The following GLB1 variants were observed in gnomAD, a reference collection of about 807,000 sequenced individuals.
GLB1 encodes the protein beta-galactosidase.
GLB1 carries 56 observed loss-of-function variants against 74.0 expected under a neutral mutation model. The observed-to-expected ratio is 0.76, with a 90% CI of 0.61 to 0.94. The LOEUF is 0.94. Among genes scored for constraint, GLB1 ranks in the 40% least tolerant of loss-of-function variants. GLB1 has a pLI of 0.00. For synonymous variants in GLB1, 323 were observed against 323.6 expected, an observed-to-expected ratio of 1.00 and a Z score of 0.02; for missense variants, 787 against 845.5, an observed-to-expected ratio of 0.93 and a Z score of 0.86.
chr3:32,994,771 A>T (rs1696278547), downstream of GLB1, among the ~76,000 whole-genome samples: 1 of 152,050 alleles, frequency 6.6e-6, no homozygotes, highest in Non-Finnish European at 1.5e-5. Flanking sequence ...AAATACAAAA[A>T]TTAGCTGGGC....
chr3:33,009,446 C>A (rs1480180389), intron 15 of GLB1, among the ~76,000 whole-genome samples: 1 of 150,622 alleles, frequency 6.6e-6, no homozygotes, highest in Non-Finnish European at 1.5e-5. Context: ...CACTTGAACC[C>A]AGGAGGCGGA....
At chr3:33,013,671 C>A (rs567598804) in intron 15 of GLB1, among the ~76,000 whole-genome samples, 22 of 152,262 alleles carry the variant, frequency 1.4e-4, no homozygotes, top group Admixed American at 3.3e-4. Context: ...TGGGGATATT[C>A]TGGGAGCACT....
the GLB1 span, among the ~76,000 whole-genome samples, chr3:32,979,870 A>ATAG: frequency 1.4e-3 from 198 of 137,306 alleles, 1 homozygote; most frequent in African/African-American, 4.1e-3. Context: ...AAAAAAAAAA[A>ATAG]AAAAAAAAGA....
intron 1 of GLB1, chr3:33,096,278 C>T: frequency 1.7e-6 from 1 of 603,542 alleles, no homozygotes; most frequent in Non-Finnish European, 2.1e-6. Flanking sequence ...CGCCTCAGCT[C>T]GGACGCAGCG....
At chr3:33,078,692 G>T (rs1180490837) in intron 1 of GLB1, among the ~76,000 whole-genome samples, 1 of 152,174 alleles carries the variant, frequency 6.6e-6, no homozygotes, top group Non-Finnish European at 1.5e-5. Context: ...ATGGCCTAAT[G>T]ATTGCATTAG....
chr3:33,047,644 T>C (rs1279406644), intron 9 of GLB1, among the ~76,000 whole-genome samples: 1 of 152,212 alleles, frequency 6.6e-6, no homozygotes, highest in African/African-American at 2.4e-5. Flanking sequence ...ATAGTTTACC[T>C]AGGATTAGTA....
rs182552450 is a variant in GLB1, at chr3:33,076,672, T to A, written c.76-3959A>T. On this transcript the variant is annotated intron_variant, in intron 1 of 15. Transcript: ENST00000307363. The stretch of plus-strand genomic sequence containing the variant: ...AAATGAGAGACAGAGAGAGCGAGCA[T>A]GTGAGAGACTTAAGAGATATATCAA... Among the ~76,000 whole-genome samples the A allele has an allele frequency of 1.1e-3, 174 of 152,254 alleles. 1 individual carries two copies. In the East Asian group the frequency reaches 0.022, roughly 19 times the overall value.
chr3:32,988,880 A>G, the GLB1 span, among the ~76,000 whole-genome samples: 2 of 150,590 alleles, frequency 1.3e-5, no homozygotes, highest in Non-Finnish European at 2.9e-5. Context: ...TTTCTTGTAG[A>G]TATTTAGTAC....
At chr3:33,056,256 A>G (rs13059918) in intron 6 of GLB1, among the ~76,000 whole-genome samples, 16,487 of 126,990 alleles carry the variant, frequency 0.13, 1,273 homozygotes, top group Admixed American at 0.18. Context: ...AAAAAAAAAA[A>G]GCAACACCAG....
intron 1 of GLB1, among the ~76,000 whole-genome samples, chr3:33,089,291 T>A (rs1700653539): frequency 6.6e-6 from 1 of 152,216 alleles, no homozygotes; most frequent in Admixed American, 6.5e-5. Context: ...CATTAAACTT[T>A]AAAACTCTGT....
intron 1 of GLB1, among the ~76,000 whole-genome samples, chr3:33,082,858 G>A (rs2125569317): frequency 6.6e-6 from 1 of 152,260 alleles, no homozygotes; most frequent in Middle Eastern, 3.4e-3. Flanking sequence ...CAGGAGAGCA[G>A]GGGACATGTC....
In GLB1 at chr3:33,093,657, C is replaced by G. The variant is rs1559423692; in HGVS notation, c.75+3354G>C. 1 of 1,614,174 alleles carries G rather than the reference C, an allele frequency of 6.2e-7. No homozygotes were observed. The highest frequency in any genetic ancestry group is 8.5e-7 in the Non-Finnish European group (1 of 1,180,038). On this transcript the variant is annotated intron_variant, in intron 1 of 15. Transcript: ENST00000307363. This position sits in a 1 kb window ranked among gnomAD's most constrained non-coding sequence, Gnocchi z 6.0. ...CGGGGGCTGCGCGGCATTCAGAATCCCGGCCACGCTGAGCACAGCAGTCAC... is the reference window on the plus strand; with the variant it reads ...CGGGGGCTGCGCGGCATTCAGAATCGCGGCCACGCTGAGCACAGCAGTCAC...
At chr3:32,998,817 C>A (rs1696427445) in intron 15 of GLB1, among the ~76,000 whole-genome samples, 1 of 152,202 alleles carries the variant, frequency 6.6e-6, no homozygotes, top group South Asian at 2.1e-4. Context: ...TCATCACGTT[C>A]TGCAACACAA....
the GLB1 span, among the ~76,000 whole-genome samples, chr3:32,964,367 C>T: frequency 5.3e-5 from 8 of 152,062 alleles, no homozygotes; most frequent in South Asian, 1.0e-3. Flanking sequence ...TGAGGGAGTT[C>T]GTGCAGTGGA....
At chr3:33,087,209 C>T (rs992807305) in intron 1 of GLB1, among the ~76,000 whole-genome samples, 1 of 151,794 alleles carries the variant, frequency 6.6e-6, no homozygotes, top group Non-Finnish European at 1.5e-5. Flanking sequence ...CCACCAAGAC[C>T]GAATCATGAA....
intron 6 of GLB1, among the ~76,000 whole-genome samples, chr3:33,054,280 C>A (rs1219385661): frequency 6.6e-6 from 1 of 152,150 alleles, no homozygotes; most frequent in Non-Finnish European, 1.5e-5. Context: ...AAGACAGGCC[C>A]CTTTCCCTTC....
chr3:32,986,612 A>G, the GLB1 span, among the ~76,000 whole-genome samples: 1 of 135,278 alleles, frequency 7.4e-6, no homozygotes, highest in Admixed American at 7.3e-5. Flanking sequence ...TTTTTTTGAG[A>G]TGGAGTCTCG....
intron 14 of GLB1, among the ~76,000 whole-genome samples, chr3:33,014,625 T>G (rs1160301749): frequency 6.6e-6 from 1 of 152,126 alleles, no homozygotes; most frequent in Non-Finnish European, 1.5e-5. Flanking sequence ...ATTCCCAAAT[T>G]TTCAGAGTTT....
chr3:32,998,793 C>T (rs1176980998), intron 15 of GLB1, among the ~76,000 whole-genome samples: 1 of 152,182 alleles, frequency 6.6e-6, no homozygotes, highest in Non-Finnish European at 1.5e-5. Flanking sequence ...CTGACACCTG[C>T]TGAGCCCTAA....
Sources: allele counts gnomAD v4.1 joint callset (sites outside exome capture counted in the v4.1 genomes callset), GRCh38; gene constraint gnomAD v4.1.1; non-coding constraint Gnocchi (gnomAD v3.1); transcripts MANE v1.5; gene names NCBI Gene and HGNC (gene_info 2026-07-23, HGNC 2026-07-21).